CACNG2: variants seen among roughly 807,000 people sequenced by gnomAD.
The protein encoded by CACNG2 is calcium voltage-gated channel auxiliary subunit gamma 2.
CACNG2 carries 3 observed loss-of-function variants against 25.9 expected under a neutral mutation model. That is an observed-to-expected ratio of 0.12 (90% CI 0.05 to 0.30). The LOEUF (loss-of-function observed/expected upper bound fraction) is 0.30. Ranked by LOEUF, CACNG2 falls within the 10% of genes least tolerant of loss-of-function variation. The pLI is 1.00. For synonymous variants in CACNG2, 167 were observed against 173.3 expected, an observed-to-expected ratio of 0.96 and a Z score of 0.29; for missense variants, 341 against 432.5, an observed-to-expected ratio of 0.79 and a Z score of 1.88.
chr22:36,698,869 T>C (rs1026579410), intron 1 of CACNG2, among the ~76,000 whole-genome samples: 1 of 152,084 alleles, frequency 6.6e-6, no homozygotes, highest in East Asian at 1.9e-4. Flanking sequence ...GGGGGAGCCA[T>C]GGAGCCAAGA....
At chr22:36,700,633 T>C (rs960404205) in intron 1 of CACNG2, among the ~76,000 whole-genome samples, 1 of 152,246 alleles carries the variant, frequency 6.6e-6, no homozygotes, top group Admixed American at 6.5e-5. Flanking sequence ...TTTAATTAAA[T>C]GGAAGTCTTT....
intron 1 of CACNG2, among the ~76,000 whole-genome samples, chr22:36,697,683 G>A (rs890667275): frequency 6.6e-6 from 1 of 152,154 alleles, no homozygotes; most frequent in African/African-American, 2.4e-5. Context: ...AGGCCTGGCT[G>A]TATGGAAAAG....
In CACNG2 at chr22:36,702,689, T is replaced by C. The variant is rs1402505753; in HGVS notation, c.-113A>G. Reference sequence around the variant, plus strand: ...ATAAAAATAAAAATTATTCCACTACTAATATAATGGATATATGTATGAATA... The same window carrying C: ...ATAAAAATAAAAATTATTCCACTACCAATATAATGGATATATGTATGAATA... On this transcript the variant is annotated 5_prime_UTR_variant, in exon 1 of 4. Coordinates refer to ENST00000300105, the MANE Select transcript of CACNG2 (RefSeq NM_006078.5). 1 of 741,238 alleles carries C rather than the reference T, an allele frequency of 1.3e-6. No individual in the cohort carries two copies. Among genetic ancestry groups the C allele is most frequent in the East Asian group, 2.7e-5 (1 of 37,352 alleles). The allele number at this position is 741,238 out of a possible 1,614,324, so 45.9% of individuals were successfully genotyped here.
At chr22:36,586,837 C>T (rs1341918001) in intron 2 of CACNG2, among the ~76,000 whole-genome samples, 3 of 152,182 alleles carry the variant, frequency 2.0e-5, no homozygotes, top group African/African-American at 7.2e-5. Flanking sequence ...TGAGACATTT[C>T]CTTGGAGCCT....
chr22:36,702,299 G>A, intron 1 of CACNG2, 67 bp downstream of exon 1: 1 of 976,070 alleles, frequency 1.0e-6, no homozygotes, highest in Non-Finnish European at 1.6e-6. Context: ...TTGGAGGAGG[G>A]TGGGGAGGGG....
intron 1 of CACNG2, among the ~76,000 whole-genome samples, chr22:36,623,695 T>G (rs1936142070): frequency 6.6e-6 from 1 of 152,030 alleles, no homozygotes; most frequent in Non-Finnish European, 1.5e-5. Context: ...CTAGGGGGAA[T>G]TGCTTAAAAA....
intron 1 of CACNG2, among the ~76,000 whole-genome samples, chr22:36,645,138 T>G (rs1167989156): frequency 6.6e-6 from 1 of 152,110 alleles, no homozygotes; most frequent in Non-Finnish European, 1.5e-5. Context: ...ACCCCAGAGG[T>G]GACAGCGAGT....
intron 1 of CACNG2, among the ~76,000 whole-genome samples, chr22:36,700,940 G>T (rs967752704): frequency 6.6e-6 from 1 of 152,098 alleles, no homozygotes; most frequent in Non-Finnish European, 1.5e-5. Flanking sequence ...ATGTTGGGAG[G>T]GGGGCATGGG....
At position 36,564,685 on chromosome 22, in the gene CACNG2, C is replaced by T. The variant is rs768099799; in HGVS notation, c.638G>A (p.Arg213His). 5.6e-6 allele frequency: 9 copies of T among 1,613,842 alleles called. No individual in the cohort carries two copies. The highest frequency in any genetic ancestry group is 1.1e-5 in the South Asian group (1 of 91,064). Residue 213 changes from arginine (R) to histidine (H), a missense_variant, in exon 4 of 4, where the codon CGC (arginine) becomes CAC (histidine). Coordinates refer to ENST00000300105, the MANE Select transcript of CACNG2 (RefSeq NM_006078.5). This position sits in a 1 kb window ranked among gnomAD's most constrained non-coding sequence, Gnocchi z 6.7. ...DRHKQLRATA[R>H]ATDYLQASAI... ...AGAGGCCTGGAGGTAGTCCGTGGCG[C>T]GGGCCGTGGCCCGCAGCTGTTTGTG...
intron 1 of CACNG2, among the ~76,000 whole-genome samples, chr22:36,654,521 T>C (rs1272138813): frequency 6.6e-6 from 1 of 152,126 alleles, no homozygotes; most frequent in Non-Finnish European, 1.5e-5. Context: ...TGTGACCCAC[T>C]GTGCACAGCC....
chr22:36,673,254 G>A, intron 1 of CACNG2, among the ~76,000 whole-genome samples: 1 of 151,922 alleles, frequency 6.6e-6, no homozygotes, highest in Non-Finnish European at 1.5e-5. Context: ...ATGTGTTGAA[G>A]GACTGAAGGA....
rs1935054775 is a variant in CACNG2, at chr22:36,563,022, T to A, written c.*1329A>T. On this transcript the variant is annotated 3_prime_UTR_variant, in exon 4 of 4. Transcript: ENST00000300105. ...CCGCCCCATTTTTTGTTTTCACAGT[T>A]TAAAGCTGGAAAAGAATTAAAAGAA... is the stretch of plus-strand genomic sequence containing the variant. The A allele has an allele frequency of 6.6e-6, 1 of 152,166 alleles. No homozygotes were observed. The highest frequency in any genetic ancestry group is 1.5e-5 in the Non-Finnish European group (1 of 68,014). The allele number at this position is 152,166 out of a possible 1,614,324, so 9.4% of individuals were successfully genotyped here. A position where few individuals can be genotyped will look rare whatever the true frequency, so the allele number is the denominator to read the frequency against.
At chr22:36,644,852 G>A (rs1369286326) in intron 1 of CACNG2, among the ~76,000 whole-genome samples, 1 of 151,964 alleles carries the variant, frequency 6.6e-6, no homozygotes, top group Admixed American at 6.6e-5. Context: ...ATTCCTTAAG[G>A]CAAAATTTCT....
chr22:36,568,369 A>G (rs558087649), intron 2 of CACNG2, among the ~76,000 whole-genome samples: 1 of 151,722 alleles, frequency 6.6e-6, no homozygotes, highest in East Asian at 1.9e-4. Context: ...TCTATATAGA[A>G]CTGTAGGGAT....
In CACNG2 at chr22:36,703,666, G is replaced by A. The variant is rs1457365397; in HGVS notation, c.-1090C>T. 2 of 152,098 alleles carry A rather than the reference G, an allele frequency of 1.3e-5. No individual in the cohort carries two copies. The highest frequency in any genetic ancestry group is 2.9e-5 in the Non-Finnish European group (2 of 68,052). The allele number at this position is 152,098 out of a possible 1,614,324, so 9.4% of individuals were successfully genotyped here. Reference sequence around the variant, plus strand: ...GCAAGGCCAGCGCAGAGCGGGGGCCGCCTTTCCTCTTTTTACCCCTCTCCC... The same window carrying A: ...GCAAGGCCAGCGCAGAGCGGGGGCCACCTTTCCTCTTTTTACCCCTCTCCC... On this transcript the variant is annotated 5_prime_UTR_variant, in exon 1 of 4. Coordinates refer to ENST00000300105, the MANE Select transcript of CACNG2 (RefSeq NM_006078.5).
At position 36,643,466 on chromosome 22, in the gene CACNG2, A is replaced by ATCTGTCTT. The variant is rs71324819; in HGVS notation, c.212-55919_212-55918insAAGACAGA. Among the ~76,000 whole-genome samples, 18 of 144,588 alleles carry ATCTGTCTT rather than the reference A, an allele frequency of 1.2e-4. No individual in the cohort carries two copies. In the East Asian group the frequency reaches 3.9e-3, roughly 31 times the overall value. 94.9% of individuals were successfully genotyped at this position (144,588 alleles called of 152,430 possible). On this transcript the variant is annotated intron_variant, in intron 1 of 3. Coordinates refer to ENST00000300105, the MANE Select transcript of CACNG2 (RefSeq NM_006078.5). ...ACTTACATTCTAATGATCTACATCT[A>ATCTGTCTT]TCTGTCTGTCTATCTATCTATCTAT...
At chr22:36,617,199 G>T (rs930980228) in intron 1 of CACNG2, among the ~76,000 whole-genome samples, 1 of 152,198 alleles carries the variant, frequency 6.6e-6, no homozygotes, top group African/African-American at 2.4e-5. Flanking sequence ...GAAGAGCACA[G>T]ACATATTTAA....
chr22:36,563,538 A>G lies in CACNG2; in HGVS notation c.*813T>C, dbSNP rs1331628782. 6.6e-6 allele frequency among the ~76,000 whole-genome samples: 1 copy of G among 152,150 alleles called. No homozygotes were observed. The highest frequency in any genetic ancestry group is 1.5e-5 in the Non-Finnish European group (1 of 67,982). The stretch of plus-strand genomic sequence containing the variant: ...AAGTCATCACAGTGGGTTAAGGAGC[A>G]TTAAGGACTGGGAACCTGGGGCCAG... On this transcript the variant is annotated 3_prime_UTR_variant, in exon 4 of 4. Transcript: ENST00000300105.
chr22:36,639,025 C>G (rs1156722517), intron 1 of CACNG2, among the ~76,000 whole-genome samples: 2 of 152,170 alleles, frequency 1.3e-5, no homozygotes, highest in East Asian at 3.9e-4. Flanking sequence ...GCCAGCCATT[C>G]CCTAACTCAG....
Sources: gnomAD v4.1 joint callset for allele counts (sites outside exome capture counted in the v4.1 genomes callset) on GRCh38, gnomAD v4.1.1 for gene constraint, Gnocchi (gnomAD v3.1) non-coding constraint, MANE v1.5 for transcripts, NCBI Gene and HGNC (gene_info 2026-07-23, HGNC 2026-07-21) for gene names.